The following STAB2 variants were observed in gnomAD, a reference collection of about 807,000 sequenced individuals.
The protein encoded by STAB2 is stabilin-2.
Under a neutral mutation model 338.1 loss-of-function variants are expected in STAB2, and 288 were observed. The observed-to-expected ratio is 0.85, with a 90% CI of 0.77 to 0.94. The LOEUF is 0.94. STAB2 is among the 40% of genes least tolerant of loss of function. STAB2 has a pLI of 0.00. For missense variants in STAB2, 3,141 were observed against 3,210.1 expected (o/e 0.98, Z 0.52); for synonymous variants, 1,202 against 1,193.3 (o/e 1.01, Z -0.15).
rs766516074 is a variant in STAB2 at position 103,711,495 on chromosome 12, G to A, written c.4313G>A (p.Gly1438Glu). The change falls in exon 40 of 69, where the codon GGG becomes GAG. Residue 1438 changes from glycine to glutamate, a missense_variant. Coordinates refer to ENST00000388887, the MANE Select transcript of STAB2 (RefSeq NM_017564.10). ...GCAACCACAGAAGACAACTGCAATGGGACATGCCATACCAGCGCCAAGTAG... is the reference window on the plus strand; with the variant it reads ...GCAACCACAGAAGACAACTGCAATGAGACATGCCATACCAGCGCCAAGTAG... ...DNATTEDNCN[G>E]TCHTSANCLT... The A allele has an allele frequency of 3.1e-6, 5 of 1,614,064 alleles. No homozygotes were observed. The highest frequency in any genetic ancestry group is 3.3e-5 in the Admixed American group (2 of 60,024).
At chr12:103,682,947 CA>C (rs35199507) in intron 25 of STAB2, among the ~76,000 whole-genome samples, 60,975 of 151,410 alleles carry the variant, frequency 0.4, 12,284 homozygotes, top group Non-Finnish European at 0.41. Flanking sequence ...GACTCCATCT[CA>C]AAAAAAGATA....
chr12:103,696,987 A>C (rs1878462002), intron 33 of STAB2, among the ~76,000 whole-genome samples: 1 of 152,178 alleles, frequency 6.6e-6, no homozygotes, highest in African/African-American at 2.4e-5. Context: ...ACACGATTGA[A>C]CTGAAAACGG....
intron 14 of STAB2, 29 bp downstream of exon 14, chr12:103,655,336 A>C: frequency 6.2e-7 from 1 of 1,607,660 alleles, no homozygotes; most frequent in Non-Finnish European, 8.5e-7. Flanking sequence ...TTTCTGAAAA[A>C]TATTTATGTC....
intron 52 of STAB2, among the ~76,000 whole-genome samples, chr12:103,736,759 G>T (rs943657497): frequency 6.6e-6 from 1 of 152,050 alleles, no homozygotes; most frequent in Non-Finnish European, 1.5e-5. Flanking sequence ...GAGTGAACAC[G>T]CAAGGCTTTA....
At position 103,762,299 on chromosome 12, in the gene STAB2, C is replaced by T. The variant is rs759060523; in HGVS notation, c.7385C>T (p.Ala2462Val). 4 of 1,614,244 alleles carry T rather than the reference C, an allele frequency of 2.5e-6. No individual in the cohort carries two copies. In the African/African-American group the frequency reaches 5.3e-5, roughly 22 times the overall value. ...PVTLTHTGLG[A>V]GIFFAIILVT... The stretch of plus-strand genomic sequence containing the variant: ...ACCTTGACCCACACTGGCTTGGGAG[C>T]AGGGATCTTCTTTGCCATCATCCTG... The change falls in exon 67 of 69, where the codon GCA becomes GTA. Residue 2462 changes from alanine to valine, a missense_variant. Physicochemically the swap from Ala to Val is moderately conservative, Grantham distance 64. Coordinates refer to ENST00000388887, the MANE Select transcript of STAB2 (RefSeq NM_017564.10).
intron 1 of STAB2, 28 bp downstream of exon 1, chr12:103,587,585 A>G: frequency 6.3e-7 from 1 of 1,576,666 alleles, no homozygotes; most frequent in Non-Finnish European, 8.7e-7. Flanking sequence ...TATTTTTTTC[A>G]TTTGTTAATT....
At chr12:103,661,237 A>G (rs1043292950) in intron 17 of STAB2, among the ~76,000 whole-genome samples, 2 of 131,584 alleles carry the variant, frequency 1.5e-5, no homozygotes, top group Non-Finnish European at 1.7e-5. Context: ...AAAAAAAAAA[A>G]GAGAGAGAGC....
chr12:103,629,599 G>A (rs1957429361), intron 5 of STAB2, among the ~76,000 whole-genome samples: 1 of 152,194 alleles, frequency 6.6e-6, no homozygotes, highest in Non-Finnish European at 1.5e-5. Flanking sequence ...GGCCTTGAAG[G>A]ATTCCAGTTA....
At chr12:103,764,914 A>C (rs1884809954) in intron 68 of STAB2, among the ~76,000 whole-genome samples, 1 of 148,200 alleles carries the variant, frequency 6.7e-6, no homozygotes, top group Admixed American at 6.8e-5. Flanking sequence ...CCTGGCCAAC[A>C]TGGTGAAATC....
intron 21 of STAB2, among the ~76,000 whole-genome samples, chr12:103,669,850 C>A (rs745894218): frequency 3.3e-5 from 5 of 152,136 alleles, no homozygotes; most frequent in Non-Finnish European, 7.3e-5. Context: ...TTCTCTATTG[C>A]GGGCTGCAGG....
chr12:103,655,584 A>G lies in STAB2; in HGVS notation c.1734+3A>G, dbSNP rs1267355774. On this transcript the variant is annotated splice_donor_region_variant and intron_variant, in intron 15 of 68. Coordinates refer to ENST00000388887, the MANE Select transcript of STAB2 (RefSeq NM_017564.10). ...TCGATTACCTCCTTTCTCCAGAGGT[A>G]CCGTATTCTGCTTGCTCTGATGGCA... 6.2e-7 allele frequency: 1 copy of G among 1,613,716 alleles called. No individual in the cohort carries two copies. Among genetic ancestry groups the G allele is most frequent in the Non-Finnish European group, 8.5e-7 (1 of 1,179,898 alleles).
intron 5 of STAB2, among the ~76,000 whole-genome samples, chr12:103,629,529 G>A (rs933094235): frequency 6.6e-6 from 1 of 152,234 alleles, no homozygotes; most frequent in Non-Finnish European, 1.5e-5. Flanking sequence ...GCTGGAGCCA[G>A]AGGAGCACAG....
chr12:103,754,415 T>G (rs1883932907), intron 61 of STAB2, among the ~76,000 whole-genome samples: 1 of 152,142 alleles, frequency 6.6e-6, no homozygotes, highest in African/African-American at 2.4e-5. Context: ...TACTTCTCTT[T>G]GCCTCAATTT....
intron 51 of STAB2, among the ~76,000 whole-genome samples, 186 bp downstream of exon 51, chr12:103,733,368 A>G (rs1881796825): frequency 6.6e-6 from 1 of 152,118 alleles, no homozygotes; most frequent in Non-Finnish European, 1.5e-5. Context: ...CTCCTGCAGT[A>G]TACCACATTT....
At chr12:103,648,551 C>T (rs1213891713) in intron 9 of STAB2, 139 bp from the exon 10 acceptor site, 1 of 1,090,564 alleles carries the variant, frequency 9.2e-7, no homozygotes, top group Non-Finnish European at 1.3e-6. Context: ...ATGTCAGATA[C>T]CACACTAGGA....
chr12:103,588,533 CAAGT>C (rs1956748287), intron 1 of STAB2, among the ~76,000 whole-genome samples: 2 of 152,116 alleles, frequency 1.3e-5, no homozygotes, highest in South Asian at 2.1e-4. Flanking sequence ...TCATTATCAC[CAAGT>C]GTTTGCATTC....
intron 52 of STAB2, 36 bp from the exon 53 acceptor site, chr12:103,737,598 C>CTTT: frequency 8.0e-7 from 1 of 1,253,072 alleles, no homozygotes; most frequent in East Asian, 3.0e-5. Flanking sequence ...CTCTCTCTCT[C>CTTT]TCTTTCTCTT....
In STAB2 at chr12:103,637,102, C is replaced by G. The variant is rs1296568825; in HGVS notation, c.584-9C>G. ...CTAATGCAAGTACTTCAACAATTTTCCTATGCAGCCATCCCTGAATGTGCA... is the reference window on the plus strand; with the variant it reads ...CTAATGCAAGTACTTCAACAATTTTGCTATGCAGCCATCCCTGAATGTGCA... On this transcript the variant is annotated splice_polypyrimidine_tract_variant and intron_variant, in intron 6 of 68. Coordinates refer to ENST00000388887, the MANE Select transcript of STAB2 (RefSeq NM_017564.10). The G allele has an allele frequency of 6.3e-7, 1 of 1,593,258 alleles. No homozygotes were observed. The highest frequency in any genetic ancestry group is 1.2e-5 in the South Asian group (1 of 86,840).
At chr12:103,644,914 T>C (rs1281815156) in intron 9 of STAB2, among the ~76,000 whole-genome samples, 1 of 152,224 alleles carries the variant, frequency 6.6e-6, no homozygotes, top group Non-Finnish European at 1.5e-5. Flanking sequence ...ATAGCTCGTG[T>C]ATCCCATAAA....
Sources: gnomAD v4.1 joint callset for allele counts (sites outside exome capture counted in the v4.1 genomes callset) on GRCh38, gnomAD v4.1.1 for gene constraint, MANE v1.5 for transcripts, NCBI Gene and HGNC (gene_info 2026-07-23, HGNC 2026-07-21) for gene names.